Variants in LRRFIP1 observed in about 807,000 individuals in gnomAD.
The protein encoded by LRRFIP1 is LRR binding FLII interacting protein 1.
In LRRFIP1, 62 loss-of-function variants were observed where a neutral mutation model predicts 104.4. The ratio of observed to expected loss-of-function variants is 0.59; its 90% CI spans 0.48 to 0.73. The LOEUF is 0.73. Ranked by LOEUF, LRRFIP1 falls within the 30% of genes least tolerant of loss-of-function variation. The pLI, the probability that LRRFIP1 is intolerant of heterozygous loss-of-function variation, is 0.00. For missense variants in LRRFIP1, 796 were observed against 824.5 expected, an observed-to-expected ratio of 0.97 and a Z score of 0.42; for synonymous variants, 300 against 299.0, an observed-to-expected ratio of 1.00 and a Z score of -0.03.
chr2:237,701,019 C>T (rs753681639), intron 1 of LRRFIP1, among the ~76,000 whole-genome samples: 2 of 152,206 alleles, frequency 1.3e-5, no homozygotes, highest in Non-Finnish European at 2.9e-5. Context: ...TTTCCTGTGA[C>T]TGTAGGGTGA....
At chr2:237,775,397 G>A (rs1317285345) in intron 23 of LRRFIP1, among the ~76,000 whole-genome samples, 1 of 152,240 alleles carries the variant, frequency 6.6e-6, no homozygotes, top group Non-Finnish European at 1.5e-5. Flanking sequence ...GTGAGGGGGT[G>A]GAGGGAGCAG....
At chr2:237,738,205 A>G (rs2095311211) in intron 10 of LRRFIP1, among the ~76,000 whole-genome samples, 1 of 152,064 alleles carries the variant, frequency 6.6e-6, no homozygotes, top group African/African-American at 2.4e-5. Flanking sequence ...ACCCATGAAG[A>G]TCTGGATGAG....
intron 1 of LRRFIP1, among the ~76,000 whole-genome samples, chr2:237,684,879 G>T (rs1041649130): frequency 6.6e-6 from 1 of 150,600 alleles, no homozygotes; most frequent in Non-Finnish European, 1.5e-5. Context: ...TTGAGCCCAG[G>T]AGTTCAAGAT....
At chr2:237,680,520 T>G (rs2091693163) in intron 1 of LRRFIP1, among the ~76,000 whole-genome samples, 1 of 152,222 alleles carries the variant, frequency 6.6e-6, no homozygotes, top group Non-Finnish European at 1.5e-5. Flanking sequence ...ACAGGTTATG[T>G]GCAAATACTC....
chr2:237,719,620 T>G, intron 5 of LRRFIP1, 53 bp downstream of exon 5: 1 of 1,331,032 alleles, frequency 7.5e-7, no homozygotes. Flanking sequence ...TTCTAATTTA[T>G]GCTTGCAGTG....
chr2:237,698,281 C>T (rs967123085), intron 1 of LRRFIP1, among the ~76,000 whole-genome samples: 2 of 152,214 alleles, frequency 1.3e-5, no homozygotes, highest in Admixed American at 1.3e-4. Flanking sequence ...TTAAAGATTA[C>T]GTCCCCTCCT....
In LRRFIP1 at chr2:237,691,014, G is replaced by C. The variant is rs1268819212; in HGVS notation, c.97-17530G>C. On this transcript the variant is annotated intron_variant, in intron 1 of 23. Coordinates refer to ENST00000308482, the MANE Select transcript of LRRFIP1 (RefSeq NM_001137550.2). The surrounding 1 kb of genome is among the most constrained non-coding windows in gnomAD (Gnocchi z 5.4). ...CGGCTCCTCAGCACCCATTTTCCCTGCTGCACACCCTCCTGACAACTCCTG... is the reference window on the plus strand; with the variant it reads ...CGGCTCCTCAGCACCCATTTTCCCTCCTGCACACCCTCCTGACAACTCCTG... Among the ~76,000 whole-genome samples, 2 of 151,568 alleles carry C rather than the reference G, an allele frequency of 1.3e-5. No individual in the cohort carries two copies. Among genetic ancestry groups the C allele is most frequent in the African/African-American group, 2.4e-5 (1 of 40,956 alleles).
chr2:237,743,880 G>T (rs74341939), intron 11 of LRRFIP1, among the ~76,000 whole-genome samples: 4,165 of 152,188 alleles, frequency 0.027, 64 homozygotes, highest in Middle Eastern at 0.11. Flanking sequence ...GGTCATCCAG[G>T]CCCCAAAATC....
intron 13 of LRRFIP1, 63 bp downstream of exon 13, chr2:237,749,387 T>TA (rs200556733): frequency 0.019 from 24,469 of 1,268,444 alleles, no homozygotes; most frequent in Non-Finnish European, 0.022. Context: ...GTCTTTAGAT[T>TA]AAAAAAAAAA....
rs3769097 is a variant in LRRFIP1, at chr2:237,706,927, C to A, written c.97-1617C>A. On this transcript the variant is annotated intron_variant, in intron 1 of 23. Transcript: ENST00000308482. ...TCCAGGCCTGAGCCACCATGCCTAG[C>A]CTGGCCCCAAGAGGCCCTTCACACC... 9.8e-5 allele frequency among the ~76,000 whole-genome samples: 15 copies of A among 152,330 alleles called. No individual in the cohort carries two copies. The East Asian group carries it at 2.5e-3, about 25-fold the overall frequency.
chr2:237,729,622 G>T (rs1001197730), intron 8 of LRRFIP1, among the ~76,000 whole-genome samples: 4 of 152,126 alleles, frequency 2.6e-5, no homozygotes, highest in Admixed American at 1.3e-4. Flanking sequence ...CTGCTGTACT[G>T]TTTGTGCCTC....
intron 11 of LRRFIP1, among the ~76,000 whole-genome samples, chr2:237,739,883 T>C (rs1007944613): frequency 1.3e-5 from 2 of 152,140 alleles, no homozygotes; most frequent in African/African-American, 2.4e-5. Flanking sequence ...TTTTACCTGA[T>C]GTGATGCTTG....
In LRRFIP1 at chr2:237,753,227, G is replaced by GT. The variant is rs3832061; in HGVS notation, c.868-73dup. 1,145 of 1,084,578 alleles carry GT rather than the reference G, an allele frequency of 1.1e-3. 1 individual carries two copies. Among genetic ancestry groups the GT allele is most frequent in the African/African-American group, 4.6e-3 (276 of 60,368 alleles). 67.2% of individuals were successfully genotyped at this position (1,084,578 alleles called of 1,614,324 possible). On this transcript the variant is annotated intron_variant, in intron 14 of 23. Transcript: ENST00000308482. ...ATATAGTCTAAGTTTAGGACTGAGGGTTTTTTTTTAACAGAATACTGAATG... is the reference window on the plus strand; with the variant it reads ...ATATAGTCTAAGTTTAGGACTGAGGGTTTTTTTTTTAACAGAATACTGAATG...
intron 1 of LRRFIP1, among the ~76,000 whole-genome samples, chr2:237,675,704 A>C (rs1172363269): frequency 6.6e-6 from 1 of 152,262 alleles, no homozygotes; most frequent in Non-Finnish European, 1.5e-5. Context: ...AAAAAAGAAC[A>C]CTGGAAAAGA....
intron 15 of LRRFIP1, among the ~76,000 whole-genome samples, chr2:237,755,830 A>G (rs2059203538): frequency 6.6e-6 from 1 of 152,232 alleles, no homozygotes; most frequent in African/African-American, 2.4e-5. Context: ...GCTACTTGGG[A>G]GGCTGAGGCA....
At chr2:237,704,613 A>G (rs556537186) in intron 1 of LRRFIP1, among the ~76,000 whole-genome samples, 29 of 152,338 alleles carry the variant, frequency 1.9e-4, no homozygotes, top group African/African-American at 6.5e-4. Context: ...GCAGATTCCA[A>G]GAATTGCCTG....
chr2:237,754,410 C>G (rs1444729951), intron 15 of LRRFIP1, among the ~76,000 whole-genome samples: 1 of 152,114 alleles, frequency 6.6e-6, no homozygotes, highest in Non-Finnish European at 1.5e-5. Flanking sequence ...AAGCATGAGT[C>G]ATGTGTTAAG....
At chr2:237,746,719 C>T (rs1472044920) in intron 11 of LRRFIP1, among the ~76,000 whole-genome samples, 4 of 152,240 alleles carry the variant, frequency 2.6e-5, no homozygotes, top group African/African-American at 4.8e-5. Context: ...GTCTTCACTG[C>T]GGTATAGCTG....
intron 1 of LRRFIP1, among the ~76,000 whole-genome samples, chr2:237,679,900 G>A (rs7600763): frequency 0.7 from 107,174 of 152,138 alleles, 38,574 homozygotes; most frequent in Middle Eastern, 0.84. Context: ...GAGCCACCGC[G>A]CCCAGCCTGA....
Sources: allele counts gnomAD v4.1 joint callset (sites outside exome capture counted in the v4.1 genomes callset), GRCh38; gene constraint gnomAD v4.1.1; non-coding constraint Gnocchi (gnomAD v3.1); transcripts MANE v1.5; gene names NCBI Gene and HGNC (gene_info 2026-07-23, HGNC 2026-07-21).